The following ULK3 variants were observed in gnomAD, a reference collection of about 807,000 sequenced individuals.
ULK3 encodes the protein unc-51 like kinase 3.
In ULK3, 54 loss-of-function variants were observed where a neutral mutation model predicts 69.4. That is an observed-to-expected ratio of 0.78 (90% confidence interval 0.63 to 0.98). The LOEUF is 0.98. Among genes scored for constraint, ULK3 ranks in the 50% least tolerant of loss-of-function variants. The probability of loss-of-function intolerance (pLI) is 0.00; values close to 1 mark genes in which losing one functional copy is unlikely to be tolerated. For synonymous variants in ULK3, 240 were observed against 254.5 expected (o/e 0.94, Z 0.54); for missense variants, 558 against 627.7 (o/e 0.89, Z 1.19).
At chr15:74,838,788 T>C (rs1361999893) in intron 9 of ULK3, 43 bp from the exon 10 acceptor site, 2 of 1,541,638 alleles carry the variant, frequency 1.3e-6, no homozygotes, top group South Asian at 1.2e-5. Flanking sequence ...TCTCACCAGC[T>C]ACCCTTGCCA....
At chr15:74,840,139 A>G in intron 6 of ULK3, 95 bp downstream of exon 6, 1 of 1,422,910 alleles carries the variant, frequency 7.0e-7, no homozygotes, top group East Asian at 2.5e-5. Flanking sequence ...CCTGGAGCCC[A>G]TACTCCAGTC....
chr15:74,840,700 G>T (rs2064215548), intron 4 of ULK3, 59 bp from the exon 5 acceptor site: 5 of 1,515,256 alleles, frequency 3.3e-6, no homozygotes, highest in Non-Finnish European at 4.4e-6. Flanking sequence ...CTCCTGACTT[G>T]TAAAGCCTCA....
chr15:74,839,146 T>TTGTGG, intron 8 of ULK3, 96 bp from the exon 9 acceptor site: 1 of 1,538,572 alleles, frequency 6.5e-7, no homozygotes, highest in Non-Finnish European at 8.8e-7. Flanking sequence ...ATTCCAGGTT[T>TTGTGG]ACGCTCTGCT....
rs1319491133 is a variant in ULK3 at position 74,843,100 on chromosome 15, C to G, written c.6G>C (p.Ala2=). M[A]GPGWGPPRLD... Reference sequence around the variant, plus strand: ...GGCGCGGGGGACCCCAGCCGGGCCCCGCCATTCCGGCCGCCTGCGCCCGCG... The same window carrying G: ...GGCGCGGGGGACCCCAGCCGGGCCCGGCCATTCCGGCCGCCTGCGCCCGCG... The change falls in exon 1 of 16, where the codon GCG becomes GCC. Residue 2 remains alanine (A), a synonymous_variant. Transcript: ENST00000440863. 28 of 1,322,586 alleles carry G rather than the reference C, an allele frequency of 2.1e-5. No individual in the cohort carries two copies. The highest frequency in any genetic ancestry group is 8.7e-6 in the Non-Finnish European group (9 of 1,033,620). 81.9% of individuals were successfully genotyped at this position (1,322,586 alleles called of 1,614,324 possible).
Position 74,842,814 on chromosome 15 carries a change from G to C in ULK3, c.102+190C>G. 1.5e-6 allele frequency: 2 copies of C among 1,369,058 alleles called. No homozygotes were observed. The highest frequency in any genetic ancestry group is 2.0e-6 in the Non-Finnish European group (2 of 1,023,320). The allele number at this position is 1,369,058 out of a possible 1,614,324, so 84.8% of individuals were successfully genotyped here. ...CTGTTCTTCAGCCACTGACCCTGCAGGTGGGTGCAGGTGCGCTCTTTAAGA... is the reference window on the plus strand; with the variant it reads ...CTGTTCTTCAGCCACTGACCCTGCACGTGGGTGCAGGTGCGCTCTTTAAGA... On this transcript the variant is annotated intron_variant, in intron 1 of 15. Transcript: ENST00000440863. The surrounding 1 kb of genome is among the most constrained non-coding windows in gnomAD (Gnocchi z 4.9).
At position 74,842,163 on chromosome 15, in the gene ULK3, C is replaced by T. The variant is rs2064278722; in HGVS notation, c.276G>A (p.Glu92=). Residue 92 remains glutamate (E), a synonymous_variant, in exon 3 of 16, where the codon GAG becomes GAA. Coordinates refer to ENST00000440863, the MANE Select transcript of ULK3 (RefSeq NM_001099436.4). The surrounding 1 kb of genome is among the most constrained non-coding windows in gnomAD (Gnocchi z 4.9). ...GAGACAGGTCGCCCCCTGCGCAAAA[C>T]TCCATGATGAGGTAGATATTGTCAC... ...WDSDNIYLIM[E]FCAGGDLSRF... The T allele has an allele frequency of 1.2e-6, 2 of 1,614,024 alleles. No individual in the cohort carries two copies. The highest frequency in any genetic ancestry group is 1.7e-6 in the Non-Finnish European group (2 of 1,179,898).
chr15:74,837,292 G>C (rs535728703), intron 15 of ULK3, 48 bp from the exon 16 acceptor site: 123 of 1,611,142 alleles, frequency 7.6e-5, no homozygotes, highest in East Asian at 1.8e-4. Context: ...TCAGGTCTTT[G>C]GTAAGGGAGG....
chr15:74,837,422 C>G lies in ULK3; in HGVS notation c.1349G>C (p.Arg450Pro), dbSNP rs757346294. 1.9e-6 allele frequency: 3 copies of G among 1,612,072 alleles called. No individual in the cohort carries two copies. Among genetic ancestry groups the G allele is most frequent in the Non-Finnish European group, 2.5e-6 (3 of 1,179,242 alleles). The change falls in exon 15 of 16, where the codon CGC becomes CCC. Residue 450 changes from arginine (R) to proline (P), a missense_variant. By Grantham distance (103) the Arg-to-Pro change is moderately radical (BLOSUM62 -2). Transcript: ENST00000440863. ...TTTGTCCAGGGTGTCAGCTTCCCAG[C>G]GAGATTCCCTCATCTGTGGGATGTG... Reference protein sequence around the residue: ...LKEQVKMRESRWEADTLDKEG... With the variant: ...LKEQVKMRESPWEADTLDKEG...
chr15:74,840,144 C>G, intron 6 of ULK3, 90 bp downstream of exon 6: 1 of 1,454,896 alleles, frequency 6.9e-7, no homozygotes, highest in Non-Finnish European at 9.4e-7. Flanking sequence ...AGCCCATACT[C>G]CAGTCTCTGC....
chr15:74,839,747 C>A, intron 6 of ULK3, 34 bp from the exon 7 acceptor site: 1 of 1,494,622 alleles, frequency 6.7e-7, no homozygotes, highest in African/African-American at 1.4e-5. Flanking sequence ...ACAGATCACA[C>A]TGGGCTCCTC....
At chr15:74,840,733 C>T in intron 4 of ULK3, 92 bp from the exon 5 acceptor site, 2 of 1,441,688 alleles carry the variant, frequency 1.4e-6, no homozygotes, top group Non-Finnish European at 1.8e-6. Context: ...CTCCACCCTC[C>T]AGACCCGCCA....
chr15:74,842,794 C>A lies in ULK3; in HGVS notation c.102+210G>T. On this transcript the variant is annotated intron_variant, in intron 1 of 15. Transcript: ENST00000440863. The surrounding 1 kb of genome is among the most constrained non-coding windows in gnomAD (Gnocchi z 4.9). ...CCAGGTAACCTGTTTTGAGCCTGTT[C>A]TTCAGCCACTGACCCTGCAGGTGGG... The A allele has an allele frequency of 6.9e-7, 1 of 1,453,326 alleles. No homozygotes were observed. Among genetic ancestry groups the A allele is most frequent in the African/African-American group, 1.4e-5 (1 of 71,486 alleles). 90.0% of individuals were successfully genotyped at this position (1,453,326 alleles called of 1,614,324 possible). A position where few individuals can be genotyped will look rare whatever the true frequency, so the allele number is the denominator to read the frequency against.
At chr15:74,839,470 G>A (rs1014506010) in intron 7 of ULK3, 88 bp downstream of exon 7, 4 of 1,539,948 alleles carry the variant, frequency 2.6e-6, no homozygotes, top group Admixed American at 3.9e-5. Context: ...CTCTGTCTCT[G>A]TTGGGTGAGT....
In ULK3 at chr15:74,838,668, CCCCT is replaced by C; in HGVS notation, c.1073_1076del (p.Gln358ArgfsTer19). 2 of 1,612,172 alleles carry C rather than the reference CCCCT, an allele frequency of 1.2e-6. No individual in the cohort carries two copies. Among genetic ancestry groups the C allele is most frequent in the Non-Finnish European group, 1.7e-6 (2 of 1,179,038 alleles). On this transcript the variant is annotated frameshift_variant, in exon 10 of 16. Coordinates refer to ENST00000440863, the MANE Select transcript of ULK3 (RefSeq NM_001099436.4). LOFTEE classifies it high-confidence loss of function. ...CTCTGAGCAGGTCTCGGGCAGAGGT[CCCCT>C]GCCTCAGCAGGGCCTGATTGGAAGA...
At chr15:74,839,143 G>GT (rs1264006205) in intron 8 of ULK3, 93 bp from the exon 9 acceptor site, 14 of 1,538,522 alleles carry the variant, frequency 9.1e-6, no homozygotes, top group Non-Finnish European at 1.2e-5. Flanking sequence ...AATATTCCAG[G>GT]TTTACGCTCT....
In ULK3 at chr15:74,842,476, A is replaced by G; in HGVS notation, c.103-56T>C. The G allele has an allele frequency of 6.2e-7, 1 of 1,612,016 alleles. No individual in the cohort carries two copies. Among genetic ancestry groups the G allele is most frequent in the Non-Finnish European group, 8.5e-7 (1 of 1,179,830 alleles). On this transcript the variant is annotated intron_variant, in intron 1 of 15. Coordinates refer to ENST00000440863, the MANE Select transcript of ULK3 (RefSeq NM_001099436.4). The surrounding 1 kb of genome is among the most constrained non-coding windows in gnomAD (Gnocchi z 4.9). ...TTGAGGGGGCCAGGACCCTTGTCTG[A>G]CTGGAAAGGCTCTATCTGGTTCCCT... is the stretch of plus-strand genomic sequence containing the variant.
In ULK3 at chr15:74,842,430, A is replaced by G; in HGVS notation, c.103-10T>C. Reference sequence around the variant, plus strand: ...CTTCACGAGTGTCCTTCTGCGAGACAGGAGATTTGGGGACTCTGCCTTGAG... The same window carrying G: ...CTTCACGAGTGTCCTTCTGCGAGACGGGAGATTTGGGGACTCTGCCTTGAG... On this transcript the variant is annotated splice_polypyrimidine_tract_variant and intron_variant, in intron 1 of 15. Transcript: ENST00000440863. This position sits in a 1 kb window ranked among gnomAD's most constrained non-coding sequence, Gnocchi z 4.9. 1 of 1,613,866 alleles carries G rather than the reference A, an allele frequency of 6.2e-7. No homozygotes were observed.
chr15:74,840,877 C>A (rs1000002101), intron 4 of ULK3, among the ~76,000 whole-genome samples: 7 of 152,144 alleles, frequency 4.6e-5, no homozygotes, highest in Admixed American at 1.3e-4. Context: ...CACCTGATCA[C>A]ACCAGCTACC....
At chr15:74,841,954 T>C in intron 3 of ULK3, 121 bp downstream of exon 3, 1 of 1,500,044 alleles carries the variant, frequency 6.7e-7, no homozygotes, top group Non-Finnish European at 9.0e-7. Flanking sequence ...GACCATAAAA[T>C]TTCAGGCTGT....
Sources: gnomAD v4.1 joint callset for allele counts (sites outside exome capture counted in the v4.1 genomes callset) on GRCh38, gnomAD v4.1.1 for gene constraint, Gnocchi (gnomAD v3.1) non-coding constraint, MANE v1.5 for transcripts, NCBI Gene and HGNC (gene_info 2026-07-23, HGNC 2026-07-21) for gene names.